Variants in ST6GAL1 observed in about 807,000 individuals in gnomAD.
ST6GAL1 encodes ST6 beta-galactoside alpha-2,6-sialyltransferase 1, also known as beta-galactoside alpha-2,6-sialyltransferase 1.
A neutral mutation model predicts 38.0 loss-of-function variants in ST6GAL1; 20 were observed. The observed-to-expected ratio is 0.53, with a 90% CI of 0.37 to 0.77. The LOEUF is 0.77. Among genes scored for constraint, ST6GAL1 ranks in the 30% least tolerant of loss-of-function variants. The probability of loss-of-function intolerance (pLI) is 0.00; values close to 1 mark genes in which losing one functional copy is unlikely to be tolerated. For synonymous variants in ST6GAL1, 196 were observed against 188.2 expected (o/e 1.04, Z -0.34); for missense variants, 432 against 496.4 (o/e 0.87, Z 1.23).
intron 2 of ST6GAL1, among the ~76,000 whole-genome samples, chr3:186,988,412 A>G (rs1441095830): frequency 2.6e-5 from 4 of 152,072 alleles, no homozygotes; most frequent in African/African-American, 9.7e-5. Context: ...GGTAGAAGCT[A>G]TTGTATATGC....
intron 2 of ST6GAL1, among the ~76,000 whole-genome samples, chr3:187,016,067 A>G (rs1717106069): frequency 6.6e-6 from 1 of 152,012 alleles, no homozygotes; most frequent in Non-Finnish European, 1.5e-5. Context: ...GCACGTGGGA[A>G]CCCCCTAGGA....
At position 187,065,071 on chromosome 3, in the gene ST6GAL1, C is replaced by G. The variant is rs1021420860; in HGVS notation, c.706-7778C>G. ...AGGCTGGAGTGCAGTGGTGCACTCT[C>G]GGCTCCCTGCTCTGCCTCCTGGGTT... On this transcript the variant is annotated intron_variant, in intron 5 of 7. Transcript: ENST00000169298. Among the ~76,000 whole-genome samples the G allele has an allele frequency of 2.0e-5, 3 of 151,364 alleles. No individual in the cohort carries two copies. In the South Asian group the frequency reaches 6.3e-4, roughly 32 times the overall value.
intron 1 of ST6GAL1, among the ~76,000 whole-genome samples, chr3:186,936,041 C>T (rs1487643249): frequency 3.9e-5 from 6 of 152,182 alleles, no homozygotes; most frequent in Admixed American, 3.9e-4. Context: ...CATGGAGACC[C>T]ACCCATTCTT....
chr3:187,061,285 A>G (rs1718905388), intron 5 of ST6GAL1, among the ~76,000 whole-genome samples: 1 of 152,220 alleles, frequency 6.6e-6, no homozygotes, highest in South Asian at 2.1e-4. Flanking sequence ...TATTGTTAAG[A>G]TGTCAATAAT....
intron 2 of ST6GAL1, among the ~76,000 whole-genome samples, chr3:186,994,287 G>T (rs1397018093): frequency 6.6e-6 from 1 of 152,162 alleles, no homozygotes; most frequent in Non-Finnish European, 1.5e-5. Context: ...GTCTCTGTAG[G>T]GTGAGCAGCT....
intron 2 of ST6GAL1, among the ~76,000 whole-genome samples, chr3:186,981,807 A>C (rs1204574012): frequency 6.6e-6 from 1 of 152,214 alleles, no homozygotes; most frequent in Non-Finnish European, 1.5e-5. Flanking sequence ...CTTACAGACT[A>C]AGAGCACTTT....
At chr3:187,066,901 C>T (rs979007097) in intron 5 of ST6GAL1, among the ~76,000 whole-genome samples, 2 of 151,962 alleles carry the variant, frequency 1.3e-5, no homozygotes, top group African/African-American at 4.8e-5. Context: ...CTTCCAGGAA[C>T]AGCTGGTCCC....
chr3:187,029,109 A>G (rs1235758980), intron 2 of ST6GAL1, among the ~76,000 whole-genome samples: 2 of 151,914 alleles, frequency 1.3e-5, no homozygotes, highest in Non-Finnish European at 2.9e-5. Context: ...AGAATTTTTC[A>G]TAGGTGCTTC....
chr3:186,971,301 G>C (rs150469673), intron 2 of ST6GAL1, among the ~76,000 whole-genome samples: 2 of 152,284 alleles, frequency 1.3e-5, no homozygotes, highest in African/African-American at 4.8e-5. Context: ...ATGTTGGCCA[G>C]TGGCCAGTCT....
chr3:186,961,363 A>T (rs535559727), intron 1 of ST6GAL1, among the ~76,000 whole-genome samples: 66 of 152,232 alleles, frequency 4.3e-4, no homozygotes, highest in African/African-American at 1.6e-3. Flanking sequence ...CCAGCTGACT[A>T]GAGTCTTTTT....
At chr3:187,066,601 CGTGTGTGTGTGTGTGT>C (rs3055152) in intron 5 of ST6GAL1, among the ~76,000 whole-genome samples, 1 of 148,730 alleles carries the variant, frequency 6.7e-6, no homozygotes, top group African/African-American at 2.5e-5. Context: ...TGCGTGCGTG[CGTGTGTGTGTGTGTGT>C]GTGTGTGTGT....
chr3:187,061,071 A>C (rs915994669), intron 5 of ST6GAL1, among the ~76,000 whole-genome samples: 1 of 152,236 alleles, frequency 6.6e-6, no homozygotes, highest in African/African-American at 2.4e-5. Context: ...TATTATGTGC[A>C]ATAACAATGA....
chr3:186,973,851 C>T (rs1248649553), intron 2 of ST6GAL1, among the ~76,000 whole-genome samples: 1 of 152,174 alleles, frequency 6.6e-6, no homozygotes, highest in Non-Finnish European at 1.5e-5. Flanking sequence ...AGCATTCAAT[C>T]GACTTTTTAA....
intron 4 of ST6GAL1, among the ~76,000 whole-genome samples, chr3:187,048,519 G>T (rs1268068430): frequency 6.6e-6 from 1 of 152,126 alleles, no homozygotes; most frequent in East Asian, 1.9e-4. Flanking sequence ...AATTCCCTCA[G>T]TGTCTCTGGC....
Position 187,074,142 on chromosome 3 carries a change from A to C in ST6GAL1, c.805-17A>C. On this transcript the variant is annotated splice_polypyrimidine_tract_variant and intron_variant, in intron 6 of 7. Coordinates refer to ENST00000169298, the MANE Select transcript of ST6GAL1 (RefSeq NM_173216.2). The stretch of plus-strand genomic sequence containing the variant: ...GGCCCATTTCTCCCTTGAGAGGACC[A>C]CTTCTTTCTTTTTCAGTGGTACCAG... 1 of 1,592,472 alleles carries C rather than the reference A, an allele frequency of 6.3e-7. No homozygotes were observed. The highest frequency in any genetic ancestry group is 8.6e-7 in the Non-Finnish European group (1 of 1,169,464).
intron 1 of ST6GAL1, among the ~76,000 whole-genome samples, chr3:186,931,587 G>A (rs527274643): frequency 1.1e-3 from 170 of 152,284 alleles, no homozygotes; most frequent in Admixed American, 2.4e-3. Context: ...GGGTCTAAGG[G>A]TGCCCCTCAA....
chr3:186,958,294 T>G (rs1714812469), intron 1 of ST6GAL1, among the ~76,000 whole-genome samples: 2 of 152,212 alleles, frequency 1.3e-5, no homozygotes, highest in Admixed American at 6.5e-5. Flanking sequence ...ATAATGTAAC[T>G]TAATAATTAC....
chr3:186,960,751 CGTTTTGTTTT>C (rs1468072970), intron 1 of ST6GAL1, among the ~76,000 whole-genome samples: 1 of 150,924 alleles, frequency 6.6e-6, no homozygotes, highest in Non-Finnish European at 1.5e-5. Context: ...ATTTTTGTTT[CGTTTTGTTTT>C]CTGTTTTTTT....
At chr3:187,025,886 A>G (rs1407222572) in intron 2 of ST6GAL1, among the ~76,000 whole-genome samples, 2 of 152,190 alleles carry the variant, frequency 1.3e-5, no homozygotes, top group Admixed American at 1.3e-4. Flanking sequence ...AAATGTACTC[A>G]GGGAAATGTT....
Sources: gnomAD v4.1 joint callset for allele counts (sites outside exome capture counted in the v4.1 genomes callset) on GRCh38, gnomAD v4.1.1 for gene constraint, MANE v1.5 for transcripts, NCBI Gene and HGNC (gene_info 2026-07-23, HGNC 2026-07-21) for gene names.